The following PRKAR1A variants were observed in gnomAD, a reference collection of about 807,000 sequenced individuals.
PRKAR1A encodes protein kinase cAMP-dependent type I regulatory subunit alpha, also known as cAMP-dependent protein kinase type I-alpha regulatory subunit.
A neutral mutation model predicts 52.0 loss-of-function variants in PRKAR1A; 3 were observed. That is an observed-to-expected ratio of 0.06 (90% CI 0.03 to 0.15). The LOEUF is 0.15. Ranked by LOEUF, PRKAR1A falls within the 10% of genes least tolerant of loss-of-function variation. The pLI is 1.00. For missense variants in PRKAR1A, 240 were observed against 477.4 expected, an observed-to-expected ratio of 0.50 and a Z score of 4.63; for synonymous variants, 188 against 168.4, an observed-to-expected ratio of 1.12 and a Z score of -0.90.
chr17:68,433,597 G>C, the PRKAR1A span: 3 of 1,596,546 alleles, frequency 1.9e-6, no homozygotes, highest in Non-Finnish European at 2.6e-6. Flanking sequence ...GCAACACATG[G>C]GTCAGTGAGC....
chr17:68,499,144 G>A, the PRKAR1A span, among the ~76,000 whole-genome samples: 13 of 152,304 alleles, frequency 8.5e-5, no homozygotes, highest in South Asian at 8.3e-4. Context: ...ACTGTCATGA[G>A]CTCTTCAGAC....
intron 2 of PRKAR1A, among the ~76,000 whole-genome samples, chr17:68,521,332 T>C (rs1273946744): frequency 1.3e-5 from 2 of 152,156 alleles, no homozygotes; most frequent in Non-Finnish European, 2.9e-5. Context: ...CAGGCTCAGG[T>C]GATCCTCCTG....
upstream of PRKAR1A, among the ~76,000 whole-genome samples, chr17:68,511,535 G>A (rs2085264408): frequency 6.6e-6 from 1 of 152,220 alleles, no homozygotes; most frequent in African/African-American, 2.4e-5. Flanking sequence ...CCTCTGTGAG[G>A]TCAGGAGTGA....
At position 68,528,858 on chromosome 17, in the gene PRKAR1A, C is replaced by A. The variant is rs750004616; in HGVS notation, c.770-12C>A. The A allele has an allele frequency of 1.2e-6, 2 of 1,613,584 alleles. No individual in the cohort carries two copies. Among genetic ancestry groups the A allele is most frequent in the African/African-American group, 1.3e-5 (1 of 75,004 alleles). On this transcript the variant is annotated splice_polypyrimidine_tract_variant and intron_variant, in intron 8 of 10. Transcript: ENST00000589228. The stretch of plus-strand genomic sequence containing the variant: ...ATAATACAGAGCAGTTATTTTGATT[C>A]TTGTCTTTCAGAGTCTCTGGACAAG...
chr17:68,486,479 T>C, the PRKAR1A span, among the ~76,000 whole-genome samples: 3 of 76,816 alleles, frequency 3.9e-5, no homozygotes, highest in Non-Finnish European at 7.6e-5. Flanking sequence ...CTCTCCTTCC[T>C]TCCTTCCTTC....
At chr17:68,416,081 T>G in the PRKAR1A span, among the ~76,000 whole-genome samples, 1 of 152,118 alleles carries the variant, frequency 6.6e-6, no homozygotes, top group South Asian at 2.1e-4. Flanking sequence ...TGTGCCTTGG[T>G]TTTTTTGTTT....
chr17:68,419,440 G>T, the PRKAR1A span, among the ~76,000 whole-genome samples: 1 of 152,122 alleles, frequency 6.6e-6, no homozygotes, highest in Middle Eastern at 3.2e-3. Context: ...GCCGAGCGTG[G>T]TGGCAGGTGC....
chr17:68,419,762 C>A, the PRKAR1A span, among the ~76,000 whole-genome samples: 1 of 150,554 alleles, frequency 6.6e-6, no homozygotes, highest in Non-Finnish European at 1.5e-5. Flanking sequence ...GAGTTTGAGA[C>A]CAGCTTGAGG....
intron 6 of PRKAR1A, 87 bp from the exon 7 acceptor site, chr17:68,525,667 G>T (rs1163902226): frequency 9.3e-6 from 13 of 1,402,764 alleles, no homozygotes; most frequent in Non-Finnish European, 1.2e-5. Context: ...GTTCAGGATT[G>T]TGACCTTTTA....
chr17:68,436,993 CAAA>C, the PRKAR1A span, among the ~76,000 whole-genome samples: 4 of 124,670 alleles, frequency 3.2e-5, no homozygotes, highest in African/African-American at 2.8e-5. Flanking sequence ...GACCCCGTCT[CAAA>C]AAAAAAAAAA....
chr17:68,540,675 A>G, intron 11 of PRKAR1A: 1 of 799,188 alleles, frequency 1.3e-6, no homozygotes, highest in African/African-American at 1.7e-5. Flanking sequence ...CTTTGAAGAG[A>G]GGGGAGCCTG....
the PRKAR1A span, among the ~76,000 whole-genome samples, chr17:68,486,479 T>TTCCC: frequency 2.6e-5 from 2 of 76,816 alleles, no homozygotes; most frequent in Non-Finnish European, 5.0e-5. Flanking sequence ...CTCTCCTTCC[T>TTCCC]TCCTTCCTTC....
upstream of PRKAR1A, among the ~76,000 whole-genome samples, chr17:68,507,960 TGAA>T (rs2085218419): frequency 6.6e-6 from 1 of 152,222 alleles, no homozygotes; most frequent in African/African-American, 2.4e-5. Context: ...GATGTTGCTG[TGAA>T]TGTATTTTTT....
the PRKAR1A span, among the ~76,000 whole-genome samples, chr17:68,416,074 G>A: frequency 6.6e-6 from 1 of 151,982 alleles, no homozygotes; most frequent in Admixed American, 6.6e-5. Flanking sequence ...TTGCCCATGT[G>A]CCTTGGTTTT....
the PRKAR1A span, among the ~76,000 whole-genome samples, chr17:68,477,202 A>G: frequency 6.6e-6 from 1 of 152,044 alleles, no homozygotes; most frequent in Admixed American, 6.5e-5. Context: ...TTTATTCGTC[A>G]TGCATCAAAT....
At chr17:68,443,874 G>A in the PRKAR1A span, among the ~76,000 whole-genome samples, 210 of 152,260 alleles carry the variant, frequency 1.4e-3, no homozygotes, top group Middle Eastern at 3.4e-3. Context: ...ATTCTTTCTT[G>A]TTTACTCCTA....
the PRKAR1A span, among the ~76,000 whole-genome samples, chr17:68,429,468 T>C: frequency 5.9e-5 from 9 of 152,334 alleles, no homozygotes; most frequent in East Asian, 1.7e-3. Context: ...TTTAAGACAG[T>C]GTCATTATAA....
At chr17:68,514,593 A>G (rs2085370703) in intron 1 of PRKAR1A, among the ~76,000 whole-genome samples, 1 of 152,246 alleles carries the variant, frequency 6.6e-6, no homozygotes, top group Non-Finnish European at 1.5e-5. Flanking sequence ...AATGCAATTT[A>G]TCTATTGAAT....
chr17:68,509,383 C>A (rs552493281), upstream of PRKAR1A, among the ~76,000 whole-genome samples: 6 of 152,232 alleles, frequency 3.9e-5, no homozygotes, highest in South Asian at 1.2e-3. Context: ...CCAGGCTGGT[C>A]TTGAACTCCT....
Sources: gnomAD v4.1 joint callset for allele counts (sites outside exome capture counted in the v4.1 genomes callset) on GRCh38, gnomAD v4.1.1 for gene constraint, MANE v1.5 for transcripts, NCBI Gene and HGNC (gene_info 2026-07-23, HGNC 2026-07-21) for gene names.